Variants in CYB5B observed in about 807,000 individuals in gnomAD.
CYB5B encodes cytochrome b5 type B (outer mitochondrial membrane).
In CYB5B, 14 loss-of-function variants were observed where a neutral mutation model predicts 21.3. The observed-to-expected ratio is 0.66, with a 90% CI of 0.43 to 1.03. The LOEUF (loss-of-function observed/expected upper bound fraction) is 1.03, where lower values mean the gene tolerates loss of function less well. Ranked by LOEUF, CYB5B falls within the 50% of genes least tolerant of loss-of-function variation. CYB5B has a pLI of 0.00. For synonymous variants in CYB5B, 69 were observed against 68.4 expected, an observed-to-expected ratio of 1.01 and a Z score of -0.04; for missense variants, 166 against 185.1, an observed-to-expected ratio of 0.90 and a Z score of 0.60.
At chr16:69,462,312 A>T in intron 4 of CYB5B, 118 bp from the exon 5 acceptor site, 1 of 756,998 alleles carries the variant, frequency 1.3e-6, no homozygotes, top group Non-Finnish European at 2.2e-6. Context: ...AAAAGCAGTT[A>T]AATTTCCCAA....
intron 3 of CYB5B, among the ~76,000 whole-genome samples, chr16:69,458,701 T>G (rs570755743): frequency 2.6e-5 from 4 of 152,320 alleles, no homozygotes; most frequent in African/African-American, 9.6e-5. Context: ...TTTTGGACTT[T>G]AAAAAATGTT....
In CYB5B at chr16:69,463,986, T is replaced by C. The variant is rs1480977613; in HGVS notation, c.*1466T>C. On this transcript the variant is annotated 3_prime_UTR_variant, in exon 5 of 5. Transcript: ENST00000307892. ...CTGTGGTGATTTTTCTCCCTGTCCTTTGAGAATTGCTAGTCTGCTTCTGAG... is the reference window on the plus strand; with the variant it reads ...CTGTGGTGATTTTTCTCCCTGTCCTCTGAGAATTGCTAGTCTGCTTCTGAG... 6.6e-6 allele frequency: 1 copy of C among 152,208 alleles called. No homozygotes were observed. Among genetic ancestry groups the C allele is most frequent in the Non-Finnish European group, 1.5e-5 (1 of 68,042 alleles). 9.4% of individuals were successfully genotyped at this position (152,208 alleles called of 1,614,324 possible).
intron 1 of CYB5B, among the ~76,000 whole-genome samples, chr16:69,432,236 A>G (rs2014713381): frequency 6.6e-6 from 1 of 152,206 alleles, no homozygotes. Context: ...CAATTTACAG[A>G]CAGTCCCTGA....
intron 1 of CYB5B, among the ~76,000 whole-genome samples, chr16:69,427,487 G>A (rs2014660273): frequency 1.3e-5 from 2 of 151,880 alleles, no homozygotes. Context: ...ATGTGCCAAG[G>A]TTTCTCTTGG....
intron 3 of CYB5B, chr16:69,449,570 T>C (rs1009213109): frequency 1.3e-5 from 2 of 152,234 alleles, no homozygotes; most frequent in Non-Finnish European, 2.9e-5. Context: ...TGTTGCTGTT[T>C]TTCTTTCTTG....
rs1301720878 is a variant in CYB5B at position 69,448,107 on chromosome 16, T to C, written c.304-8T>C. ...TTAAAATATTATTTGTTTTCCTTTTTTTGACAGAGTGACCTTAAACCTGAA... is the reference window on the plus strand; with the variant it reads ...TTAAAATATTATTTGTTTTCCTTTTCTTGACAGAGTGACCTTAAACCTGAA... On this transcript the variant is annotated splice_region_variant and splice_polypyrimidine_tract_variant and intron_variant, in intron 2 of 4. Coordinates refer to ENST00000307892, the MANE Select transcript of CYB5B (RefSeq NM_030579.3). 4 of 1,609,962 alleles carry C rather than the reference T, an allele frequency of 2.5e-6. No individual in the cohort carries two copies. The South Asian group carries it at 3.3e-5, about 13-fold the overall frequency.
At chr16:69,431,462 G>A (rs1373541698) in intron 1 of CYB5B, among the ~76,000 whole-genome samples, 3 of 152,056 alleles carry the variant, frequency 2.0e-5, no homozygotes, top group Non-Finnish European at 4.4e-5. Context: ...GGGCGACAGA[G>A]TGAGATTCTG....
intron 2 of CYB5B, 78 bp downstream of exon 2, chr16:69,447,356 T>C: frequency 3.3e-6 from 5 of 1,538,008 alleles, no homozygotes; most frequent in Non-Finnish European, 4.4e-6. Flanking sequence ...AGAAATGAAT[T>C]ATTGGCTGGG....
In CYB5B at chr16:69,463,540, T is replaced by A. The variant is rs890520983; in HGVS notation, c.*1020T>A. On this transcript the variant is annotated 3_prime_UTR_variant, in exon 5 of 5. Transcript: ENST00000307892. Reference sequence around the variant, plus strand: ...TTGGTAAAATATAAATGTATAATTATGTTTGTAGAGCTTTACCAAGGAGTT... The same window carrying A: ...TTGGTAAAATATAAATGTATAATTAAGTTTGTAGAGCTTTACCAAGGAGTT... 4.6e-5 allele frequency: 7 copies of A among 152,208 alleles called. No individual in the cohort carries two copies. The highest frequency in any genetic ancestry group is 1.7e-4 in the African/African-American group (7 of 41,446). 9.4% of individuals were successfully genotyped at this position (152,208 alleles called of 1,614,324 possible).
chr16:69,443,935 G>GT (rs1555509819), intron 1 of CYB5B: 1 of 153,410 alleles, frequency 6.5e-6, no homozygotes, highest in Non-Finnish European at 1.5e-5. Flanking sequence ...CAATGCCTGA[G>GT]TATGTCAATG....
chr16:69,428,019 G>C (rs762866020), intron 1 of CYB5B, among the ~76,000 whole-genome samples: 4 of 151,746 alleles, frequency 2.6e-5, no homozygotes, highest in Non-Finnish European at 5.9e-5. Flanking sequence ...AAGAATTGGG[G>C]TCCCACTATT....
chr16:69,458,265 C>T (rs2015000763), intron 3 of CYB5B, among the ~76,000 whole-genome samples: 1 of 152,118 alleles, frequency 6.6e-6, no homozygotes, highest in South Asian at 2.1e-4. Context: ...AGAAGAAACC[C>T]CATATTCATT....
At position 69,466,064 on chromosome 16, in the gene CYB5B, GT is replaced by G. The variant is rs1264337331; in HGVS notation, c.*3546del. The stretch of plus-strand genomic sequence containing the variant: ...GCTATTTGGGCAAACCATTACTTCA[GT>G]TATTTAACTTCCCTTTTTTTTTAAC... On this transcript the variant is annotated 3_prime_UTR_variant, in exon 5 of 5. Coordinates refer to ENST00000307892, the MANE Select transcript of CYB5B (RefSeq NM_030579.3). 3 of 150,092 alleles carry G rather than the reference GT, an allele frequency of 2.0e-5. No homozygotes were observed. Among genetic ancestry groups the G allele is most frequent in the Non-Finnish European group, 2.9e-5 (2 of 67,966 alleles). 9.3% of individuals were successfully genotyped at this position (150,092 alleles called of 1,614,324 possible). A position where few individuals can be genotyped will look rare whatever the true frequency, so the allele number is the denominator to read the frequency against.
At chr16:69,436,332 T>C (rs981645694) in intron 1 of CYB5B, among the ~76,000 whole-genome samples, 2 of 152,208 alleles carry the variant, frequency 1.3e-5, no homozygotes, top group Non-Finnish European at 2.9e-5. Flanking sequence ...CATATGGCAT[T>C]GTGAGAATCA....
intron 3 of CYB5B, among the ~76,000 whole-genome samples, chr16:69,457,182 T>C (rs1394431677): frequency 1.3e-5 from 2 of 152,212 alleles, no homozygotes; most frequent in Non-Finnish European, 2.9e-5. Flanking sequence ...GTTTTGGCTG[T>C]CTTTGTTCTC....
chr16:69,457,101 C>T (rs1277200719), intron 3 of CYB5B, among the ~76,000 whole-genome samples: 4 of 152,120 alleles, frequency 2.6e-5, no homozygotes, highest in Admixed American at 6.5e-5. Context: ...TTTTGCAGTA[C>T]TTAGTTCAAA....
chr16:69,452,576 G>A (rs944544712), intron 3 of CYB5B, among the ~76,000 whole-genome samples: 5 of 151,866 alleles, frequency 3.3e-5, no homozygotes. Flanking sequence ...AGGATGAGGC[G>A]GTAGAATGGC....
At chr16:69,444,713 C>T (rs1172888802) in intron 1 of CYB5B, among the ~76,000 whole-genome samples, 1 of 151,068 alleles carries the variant, frequency 6.6e-6, no homozygotes, top group Non-Finnish European at 1.5e-5. Flanking sequence ...TACATGAATT[C>T]ACTTTGTGAG....
intron 1 of CYB5B, among the ~76,000 whole-genome samples, chr16:69,428,659 G>GA (rs747115797): frequency 1.3e-4 from 19 of 146,222 alleles, no homozygotes; most frequent in South Asian, 8.7e-4. Flanking sequence ...CGTCACAAAT[G>GA]AAAAAAAAAA....
Sources: gnomAD v4.1 joint callset for allele counts (sites outside exome capture counted in the v4.1 genomes callset) on GRCh38, gnomAD v4.1.1 for gene constraint, MANE v1.5 for transcripts, NCBI Gene and HGNC (gene_info 2026-07-23, HGNC 2026-07-21) for gene names.